The following JADE3 variants were observed in gnomAD, a reference collection of about 807,000 sequenced individuals.
JADE3 encodes protein Jade-3.
In JADE3, 2 loss-of-function variants were observed where a neutral mutation model predicts 50.1. The observed-to-expected ratio is 0.04, with a 90% CI of 0.02 to 0.13. The LOEUF (loss-of-function observed/expected upper bound fraction) is 0.13, where lower values mean the gene tolerates loss of function less well. Ranked by LOEUF, JADE3 falls within the 10% of genes least tolerant of loss-of-function variation. The pLI is 1.00. For synonymous variants in JADE3, 218 were observed against 232.9 expected, an observed-to-expected ratio of 0.94 and a Z score of 0.58; for missense variants, 475 against 634.4, an observed-to-expected ratio of 0.75 and a Z score of 2.70.
chrX:47,008,588 T>C (rs782357024), intron 4 of JADE3, among the ~76,000 whole-genome samples: 1,586 of 112,250 alleles, frequency 0.014, 27 homozygotes, highest in African/African-American at 0.049. Context: ...GGAAGATAGC[T>C]TTTTAATGTT....
At chrX:46,997,419 G>A (rs781785763) in intron 3 of JADE3, among the ~76,000 whole-genome samples, 24 of 111,947 alleles carry the variant, frequency 2.1e-4, no homozygotes, top group Non-Finnish European at 4.3e-4. Context: ...TCAGGAGGCT[G>A]AGGTGGGAGG....
chrX:46,985,354 A>G (rs1927838921), intron 2 of JADE3, among the ~76,000 whole-genome samples: 1 of 112,376 alleles, frequency 8.9e-6, no homozygotes, highest in African/African-American at 3.2e-5. Flanking sequence ...GCTGAAGGAT[A>G]CACAGATTAC....
intron 8 of JADE3, among the ~76,000 whole-genome samples, chrX:47,042,321 A>G (rs1412077767): frequency 8.9e-6 from 1 of 111,859 alleles, no homozygotes; most frequent in African/African-American, 3.2e-5. Context: ...ACATTCTGCC[A>G]CTATTATGGT....
At chrX:46,980,830 A>G (rs1927732281) in intron 1 of JADE3, among the ~76,000 whole-genome samples, 1 of 111,663 alleles carries the variant, frequency 9.0e-6, no homozygotes, top group African/African-American at 3.3e-5. Flanking sequence ...CAACCTATGA[A>G]TATGTTAAGA....
intron 4 of JADE3, among the ~76,000 whole-genome samples, chrX:47,024,137 A>G (rs1377280589): frequency 8.9e-6 from 1 of 111,944 alleles, no homozygotes; most frequent in African/African-American, 3.2e-5. Flanking sequence ...TTCCTCTTCT[A>G]AATAAACTTG....
chrX:46,963,553 G>T (rs1224904674), intron 1 of JADE3, among the ~76,000 whole-genome samples: 2 of 112,249 alleles, frequency 1.8e-5, no homozygotes, highest in Non-Finnish European at 3.8e-5. Context: ...CATTCTATGG[G>T]TCAGTCATTT....
At chrX:47,031,287 G>T (rs2301418) in intron 6 of JADE3, among the ~76,000 whole-genome samples, 25 of 110,885 alleles carry the variant, frequency 2.3e-4, no homozygotes, top group Non-Finnish European at 4.0e-4. Context: ...AAACATTCTG[G>T]GCCTCAGACA....
intron 8 of JADE3, 36 bp from the exon 9 acceptor site, chrX:47,054,122 A>G: frequency 9.9e-7 from 1 of 1,013,322 alleles, no homozygotes; most frequent in Non-Finnish European, 1.4e-6. Context: ...CTTTTCCTCC[A>G]ACTCTGCTAC....
rs1456531960 is a variant in JADE3, at chrX:46,939,521, A to G, written c.-12+26802A>G. On this transcript the variant is annotated intron_variant, in intron 1 of 10. Transcript: ENST00000614628. ...TGTGGAAGATTGTTAAAAACGGACT[A>G]GAATGGAAGGAATTAAGCCCCAGAA... Among the ~76,000 whole-genome samples the G allele has an allele frequency of 1.5e-4, 17 of 111,802 alleles. No individual in the cohort carries two copies. The Admixed American group carries it at 1.6e-3, about 11-fold the overall frequency.
chrX:46,960,627 C>G (rs1556347457), intron 1 of JADE3, among the ~76,000 whole-genome samples: 1 of 111,580 alleles, frequency 9.0e-6, no homozygotes, highest in East Asian at 2.8e-4. Context: ...TGTGCCTTGT[C>G]TCCCCTGCAC....
intron 6 of JADE3, among the ~76,000 whole-genome samples, chrX:47,032,461 C>A (rs1363504876): frequency 2.7e-5 from 3 of 110,656 alleles, no homozygotes; most frequent in African/African-American, 9.9e-5. Context: ...GGGCTTGCCA[C>A]TGTACAATGG....
Position 46,990,576 on chromosome X carries a change from T to C in JADE3, c.126+4784T>C, listed in dbSNP as rs782723956. ...CCTACCCAGTCTGCCAACATCACAT[T>C]GAGGAGGAGAGGTGCCTCATTATTG... On this transcript the variant is annotated intron_variant, in intron 3 of 10. Coordinates refer to ENST00000614628, the MANE Select transcript of JADE3 (RefSeq NM_014735.5). Among the ~76,000 whole-genome samples the C allele has an allele frequency of 1.8e-4, 20 of 111,611 alleles. No individual in the cohort carries two copies. In the South Asian group the frequency reaches 7.7e-3, roughly 43 times the overall value.
At chrX:46,923,375 T>C (rs1266795192) in intron 1 of JADE3, among the ~76,000 whole-genome samples, 26 of 57,938 alleles carry the variant, frequency 4.5e-4, no homozygotes, top group Non-Finnish European at 9.3e-4. Context: ...GAGATTTCTT[T>C]TCTCTCTCTC....
In JADE3 at chrX:46,990,874, C is replaced by T. The variant is rs1927973964; in HGVS notation, c.126+5082C>T. On this transcript the variant is annotated intron_variant, in intron 3 of 10. Coordinates refer to ENST00000614628, the MANE Select transcript of JADE3 (RefSeq NM_014735.5). ...CAATCTCCCTACCTGCAACCCCTGG[C>T]AACCACTAATTTACCTTCCTTCTCT... 4.5e-5 allele frequency among the ~76,000 whole-genome samples: 5 copies of T among 109,936 alleles called. No individual in the cohort carries two copies. In the Admixed American group the frequency reaches 4.8e-4, roughly 11 times the overall value.
intron 1 of JADE3, among the ~76,000 whole-genome samples, chrX:46,930,624 T>C (rs1368699015): frequency 8.9e-6 from 1 of 111,878 alleles, no homozygotes; most frequent in Non-Finnish European, 1.9e-5. Context: ...CTTTGCTTAA[T>C]AGACAACCAA....
Position 47,058,354 on chromosome X carries a change from G to A in JADE3, c.1749G>A (p.Gln583=). The stretch of plus-strand genomic sequence containing the variant: ...GTATAAGGAACATGCAGGTGCCTCA[G>A]GAGTCACTAGAAATGAGAACAAAAT... The part of the protein sequence containing the change: ...VHSIRNMQVP[Q]ESLEMRTKSY... Residue 583 remains glutamine (Q), a synonymous_variant, in exon 11 of 11, where the codon CAG becomes CAA. Transcript: ENST00000614628. The A allele has an allele frequency of 9.9e-6, 12 of 1,210,885 alleles. No homozygotes were observed. The highest frequency in any genetic ancestry group is 1.3e-5 in the Non-Finnish European group (12 of 894,871).
intron 3 of JADE3, among the ~76,000 whole-genome samples, chrX:46,994,591 T>G (rs1556356874): frequency 8.9e-6 from 1 of 111,960 alleles, no homozygotes; most frequent in Non-Finnish European, 1.9e-5. Context: ...CTACATTACC[T>G]TGTGGCCTTT....
At chrX:46,924,655 G>C (rs782297116) in intron 1 of JADE3, among the ~76,000 whole-genome samples, 1 of 111,532 alleles carries the variant, frequency 9.0e-6, no homozygotes, top group African/African-American at 3.3e-5. Flanking sequence ...GAATTTTATG[G>C]TTTTATGACT....
intron 1 of JADE3, among the ~76,000 whole-genome samples, chrX:46,976,096 G>A (rs1419171252): frequency 1.8e-5 from 2 of 111,503 alleles, no homozygotes; most frequent in African/African-American, 3.3e-5. Flanking sequence ...TATGTTTAAA[G>A]TAGAGCATTA....
Sources: gnomAD v4.1 joint callset for allele counts (sites outside exome capture counted in the v4.1 genomes callset) on GRCh38, gnomAD v4.1.1 for gene constraint, MANE v1.5 for transcripts, NCBI Gene and HGNC (gene_info 2026-07-23, HGNC 2026-07-21) for gene names.